The following FBXL17 variants were observed in gnomAD, a reference collection of about 807,000 sequenced individuals.
The protein encoded by FBXL17 is F-box/LRR-repeat protein 17.
Under a neutral mutation model 66.2 loss-of-function variants are expected in FBXL17, and 22 were observed. That is an observed-to-expected ratio of 0.33 (90% confidence interval 0.24 to 0.47). The LOEUF (loss-of-function observed/expected upper bound fraction) is 0.47. Among genes scored for constraint, FBXL17 ranks in the 20% least tolerant of loss-of-function variants. The pLI is 1.00. For missense variants in FBXL17, 878 were observed against 948.2 expected, an observed-to-expected ratio of 0.93 and a Z score of 0.97; for synonymous variants, 474 against 400.5, an observed-to-expected ratio of 1.18 and a Z score of -2.19.
chr5:108,014,730 T>C (rs1429501252), intron 7 of FBXL17, among the ~76,000 whole-genome samples: 1 of 152,170 alleles, frequency 6.6e-6, no homozygotes, highest in Non-Finnish European at 1.5e-5. Flanking sequence ...TTCCATTATA[T>C]ACTAGTCCGC....
chr5:108,023,812 A>C (rs1219119292), intron 6 of FBXL17, among the ~76,000 whole-genome samples: 1 of 152,180 alleles, frequency 6.6e-6, no homozygotes, highest in Non-Finnish European at 1.5e-5. Flanking sequence ...AGGTACAGCA[A>C]GTTAAGAGGC....
rs1270533510 is a variant in FBXL17 at position 107,965,076 on chromosome 5, T to G, written c.1822+55849A>C. The stretch of plus-strand genomic sequence containing the variant: ...CTCTTTTGTCTATATTGTACTTGCT[T>G]ATTAGAAATCTGGCTATTTTGCTCA... On this transcript the variant is annotated intron_variant, in intron 7 of 8. Transcript: ENST00000542267. 2.0e-5 allele frequency among the ~76,000 whole-genome samples: 3 copies of G among 152,142 alleles called. No homozygotes were observed. In the East Asian group the frequency reaches 5.8e-4, roughly 29 times the overall value.
intron 4 of FBXL17, among the ~76,000 whole-genome samples, chr5:108,337,071 C>CA (rs1760419317): frequency 6.6e-6 from 1 of 151,944 alleles, no homozygotes; most frequent in African/African-American, 2.4e-5. Context: ...TCCTGGCCAA[C>CA]ATGGTGAAAC....
At chr5:107,889,691 T>C (rs1320497585) in intron 7 of FBXL17, among the ~76,000 whole-genome samples, 1 of 152,206 alleles carries the variant, frequency 6.6e-6, no homozygotes, top group Non-Finnish European at 1.5e-5. Context: ...TCTGCTTTCC[T>C]TCCTATGAGA....
chr5:108,139,186 A>G (rs972538791), intron 6 of FBXL17, among the ~76,000 whole-genome samples: 2 of 152,188 alleles, frequency 1.3e-5, no homozygotes, highest in African/African-American at 4.8e-5. Flanking sequence ...CCACTGGGGA[A>G]AGGGCAAGGC....
chr5:108,194,204 T>A (rs762205391), intron 5 of FBXL17, among the ~76,000 whole-genome samples: 5 of 152,188 alleles, frequency 3.3e-5, no homozygotes, highest in Non-Finnish European at 7.4e-5. Flanking sequence ...TTTTGAGAAG[T>A]TGTTCTCACT....
chr5:108,156,184 A>G (rs772103956), intron 6 of FBXL17, among the ~76,000 whole-genome samples: 3 of 152,102 alleles, frequency 2.0e-5, no homozygotes, highest in Non-Finnish European at 4.4e-5. Flanking sequence ...GCATCAGATC[A>G]TACTTTAGTT....
At chr5:107,995,370 A>C (rs1328447928) in intron 7 of FBXL17, among the ~76,000 whole-genome samples, 1 of 152,206 alleles carries the variant, frequency 6.6e-6, no homozygotes, top group Admixed American at 6.5e-5. Context: ...CTTGCATATG[A>C]CTTAGCTCCC....
chr5:107,962,807 T>C (rs1487393040), intron 7 of FBXL17, among the ~76,000 whole-genome samples: 2 of 152,102 alleles, frequency 1.3e-5, no homozygotes, highest in Non-Finnish European at 2.9e-5. Flanking sequence ...GATACATTTC[T>C]TTTAATGACT....
At chr5:108,275,544 C>T (rs1757450196) in intron 4 of FBXL17, among the ~76,000 whole-genome samples, 1 of 152,166 alleles carries the variant, frequency 6.6e-6, no homozygotes. Flanking sequence ...TCTTTGCTAT[C>T]AGACAGAAGT....
At chr5:108,231,455 T>C (rs1755336801) in intron 4 of FBXL17, among the ~76,000 whole-genome samples, 1 of 152,158 alleles carries the variant, frequency 6.6e-6, no homozygotes, top group South Asian at 2.1e-4. Flanking sequence ...CTTTCACTAA[T>C]GTAAGGTTTT....
In FBXL17 at chr5:108,132,445, T is replaced by G. The variant is rs139820125; in HGVS notation, c.1745+53672A>C. Among the ~76,000 whole-genome samples, 812 of 152,326 alleles carry G rather than the reference T, an allele frequency of 5.3e-3. 6 individuals are homozygous for G. The highest frequency in any genetic ancestry group is 0.019 in the African/African-American group (776 of 41,560). On this transcript the variant is annotated intron_variant, in intron 6 of 8. Coordinates refer to ENST00000542267, the MANE Select transcript of FBXL17 (RefSeq NM_001163315.3). ...CTAATTACTTAATACACTAATGCTC[T>G]CTTCTTAATAGACATTAACCAAAAT...
At chr5:108,083,250 C>CACACACACAGAG (rs369652150) in intron 6 of FBXL17, among the ~76,000 whole-genome samples, 13 of 145,580 alleles carry the variant, frequency 8.9e-5, no homozygotes, top group African/African-American at 1.8e-4. Flanking sequence ...CACACACACA[C>CACACACACAGAG]AGAGAGAGAG....
chr5:108,086,900 C>G (rs1050457303), intron 6 of FBXL17, among the ~76,000 whole-genome samples: 2 of 150,312 alleles, frequency 1.3e-5, no homozygotes, highest in African/African-American at 5.0e-5. Context: ...GGAATCACAC[C>G]CTTTCACCAC....
chr5:107,992,989 A>G (rs1012737989), intron 7 of FBXL17, among the ~76,000 whole-genome samples: 3 of 151,628 alleles, frequency 2.0e-5, no homozygotes, highest in South Asian at 2.1e-4. Context: ...TCCACCTCCC[A>G]GGTTCACGCC....
At chr5:108,356,468 A>C (rs984717555) in intron 3 of FBXL17, among the ~76,000 whole-genome samples, 1 of 152,178 alleles carries the variant, frequency 6.6e-6, no homozygotes, top group South Asian at 2.1e-4. Flanking sequence ...ACTGTGGTAC[A>C]TAACAGGCAA....
At chr5:108,375,445 T>C (rs1162532777) in intron 1 of FBXL17, among the ~76,000 whole-genome samples, 3 of 151,734 alleles carry the variant, frequency 2.0e-5, no homozygotes, top group Non-Finnish European at 4.4e-5. Flanking sequence ...TTTAAAATCA[T>C]GTATAAAAAT....
chr5:108,297,280 C>T (rs1160216660), intron 4 of FBXL17, among the ~76,000 whole-genome samples: 1 of 151,618 alleles, frequency 6.6e-6, no homozygotes, highest in Non-Finnish European at 1.5e-5. Context: ...ACAGTAAAGG[C>T]ATTCTGGTGA....
intron 6 of FBXL17, among the ~76,000 whole-genome samples, chr5:108,111,233 A>G (rs1750020734): frequency 6.8e-6 from 1 of 147,470 alleles, no homozygotes; most frequent in African/African-American, 2.5e-5. Flanking sequence ...AAAAAAAAAG[A>G]AAGAAAAGAA....
Sources: allele counts gnomAD v4.1 joint callset (sites outside exome capture counted in the v4.1 genomes callset), GRCh38; gene constraint gnomAD v4.1.1; transcripts MANE v1.5; gene names NCBI Gene and HGNC (gene_info 2026-07-23, HGNC 2026-07-21).